Variants in OTOG observed in about 807,000 individuals in gnomAD.
OTOG encodes the protein otogelin.
Under a neutral mutation model 313.8 loss-of-function variants are expected in OTOG, and 296 were observed. That is an observed-to-expected ratio of 0.94 (90% CI 0.86 to 1.04). OTOG has a LOEUF of 1.04. OTOG is among the 50% of genes least tolerant of loss of function. The pLI, the probability that OTOG is intolerant of heterozygous loss-of-function variation, is 0.00. For synonymous variants in OTOG, 1,533 were observed against 1,554.9 expected, an observed-to-expected ratio of 0.99 and a Z score of 0.33; for missense variants, 3,948 against 3,840.1, an observed-to-expected ratio of 1.03 and a Z score of -0.74.
At position 17,610,648 on chromosome 11, in the gene OTOG, C is replaced by G. The variant is rs1424814136; in HGVS notation, c.5348C>G (p.Ala1783Gly). ...CTGTCAACAGCCACTGATGGGCTGG[C>G]AGCCACACCCTTCATGTCCCTTGAG... ...ASLSTATDGLAATPFMSLEST... is the reference protein window; with the variant it reads ...ASLSTATDGLGATPFMSLEST... Residue 1783 changes from alanine (A) to glycine (G), a missense_variant, in exon 36 of 56, where the codon GCA (alanine) becomes GGA (glycine). By Grantham distance (60) the Ala-to-Gly change is moderately conservative (BLOSUM62 0). Coordinates refer to ENST00000399397, the MANE Select transcript of OTOG (RefSeq NM_001292063.2). 2.6e-6 allele frequency: 4 copies of G among 1,550,724 alleles called. No individual in the cohort carries two copies. In the South Asian group the frequency reaches 4.8e-5, roughly 18 times the overall value.
At chr11:17,577,908 C>A (rs1185815449) in intron 22 of OTOG, among the ~76,000 whole-genome samples, 1 of 151,234 alleles carries the variant, frequency 6.6e-6, no homozygotes, top group African/African-American at 2.5e-5. Flanking sequence ...AGGACCGTGA[C>A]TCTCCTTGTC....
At chr11:17,595,089 T>C (rs1432998346) in intron 28 of OTOG, among the ~76,000 whole-genome samples, 1 of 152,216 alleles carries the variant, frequency 6.6e-6, no homozygotes, top group African/African-American at 2.4e-5. Flanking sequence ...TGAGCCTATG[T>C]AGACTGGGGT....
At position 17,612,210 on chromosome 11, in the gene OTOG, C is replaced by A. The variant is rs1269126735; in HGVS notation, c.6172C>A (p.Leu2058Met). 9.0e-6 allele frequency: 14 copies of A among 1,549,612 alleles called. No homozygotes were observed. The East Asian group carries it at 2.4e-4, about 27-fold the overall frequency. Residue 2058 changes from leucine (L) to methionine (M), a missense_variant, in exon 37 of 56, where the codon CTG (leucine) becomes ATG (methionine). Transcript: ENST00000399397. ...CCGCCACATCTGCCTGGAGGGCCAGCTGATTCGCGTGAATCAGTCCCAGCA... is the reference window on the plus strand; with the variant it reads ...CCGCCACATCTGCCTGGAGGGCCAGATGATTCGCGTGAATCAGTCCCAGCA... ...CVRHICLEGQ[L>M]IRVNQSQHCP...
chr11:17,645,650 G>A lies in OTOG; in HGVS notation c.8541+7G>A, dbSNP rs780716285. Reference sequence around the variant, plus strand: ...ATGCAGGAGCAGCACCCCTGTGCGTGGTGCCCACAAGGCAGTGGGGCAGCA... The same window carrying A: ...ATGCAGGAGCAGCACCCCTGTGCGTAGTGCCCACAAGGCAGTGGGGCAGCA... On this transcript the variant is annotated splice_region_variant and intron_variant, in intron 55 of 55. Coordinates refer to ENST00000399397, the MANE Select transcript of OTOG (RefSeq NM_001292063.2). 49 of 1,550,714 alleles carry A rather than the reference G, an allele frequency of 3.2e-5. No homozygotes were observed. In the South Asian group the frequency reaches 5.6e-4, roughly 18 times the overall value.
intron 16 of OTOG, among the ~76,000 whole-genome samples, chr11:17,569,560 C>T (rs1852362553): frequency 6.6e-6 from 1 of 152,208 alleles, no homozygotes; most frequent in South Asian, 2.1e-4. Flanking sequence ...ACTCTCATAA[C>T]TTGTTTATTA....
intron 15 of OTOG, among the ~76,000 whole-genome samples, chr11:17,562,051 A>AAG (rs1852201342): frequency 9.2e-6 from 1 of 109,112 alleles, no homozygotes; most frequent in Non-Finnish European, 1.9e-5. Flanking sequence ...AAAAAAATAT[A>AAG]TATATATATA....
chr11:17,568,045 C>G (rs1041933275), intron 15 of OTOG, among the ~76,000 whole-genome samples: 1 of 152,012 alleles, frequency 6.6e-6, no homozygotes, highest in African/African-American at 2.4e-5. Flanking sequence ...GTAACTGGGA[C>G]TACAGGCACC....
At position 17,638,479 on chromosome 11, in the gene OTOG, G is replaced by A. The variant is rs949462677; in HGVS notation, c.7824G>A (p.Val2608=). 17 of 1,549,964 alleles carry A rather than the reference G, an allele frequency of 1.1e-5. No homozygotes were observed. The highest frequency in any genetic ancestry group is 4.1e-5 in the African/African-American group (3 of 73,046). Residue 2608 remains valine, a synonymous_variant, in exon 48 of 56, where the codon GTG becomes GTA. Coordinates refer to ENST00000399397, the MANE Select transcript of OTOG (RefSeq NM_001292063.2). ...GTGAGAACTTCCGCTGTCCCCAAGT[G>A]CAGTGTGGCCTGGGCACTGCCCTGG... ...CVCENFRCPQ[V]QCGLGTALVE...
At chr11:17,611,512 A>C in intron 36 of OTOG, 89 bp downstream of exon 36, 2 of 1,278,832 alleles carry the variant, frequency 1.6e-6, no homozygotes, top group South Asian at 1.5e-5. Context: ...TTTAGTCGCT[A>C]TCCTCATACC....
chr11:17,625,685 T>C (rs1853967774), intron 39 of OTOG, among the ~76,000 whole-genome samples: 1 of 152,214 alleles, frequency 6.6e-6, no homozygotes. Flanking sequence ...GAGGTCCTTA[T>C]ATATTCTAAT....
At chr11:17,588,326 T>C (rs896590928) in intron 24 of OTOG, among the ~76,000 whole-genome samples, 1 of 152,158 alleles carries the variant, frequency 6.6e-6, no homozygotes, top group Non-Finnish European at 1.5e-5. Context: ...GCTGGAGATG[T>C]GTTGCGCTGG....
At chr11:17,599,005 G>T (rs551788803) in intron 30 of OTOG, among the ~76,000 whole-genome samples, 1 of 152,328 alleles carries the variant, frequency 6.6e-6, no homozygotes, top group East Asian at 1.9e-4. Context: ...AGGTCTATCC[G>T]CCTGGCTCCT....
At chr11:17,594,420 G>C (rs1212030267) in intron 28 of OTOG, among the ~76,000 whole-genome samples, 4 of 152,202 alleles carry the variant, frequency 2.6e-5, no homozygotes, top group African/African-American at 9.7e-5. Context: ...GGTTGGGAAG[G>C]TGACAAAGTC....
At chr11:17,568,128 C>T (rs4029003) in intron 15 of OTOG, among the ~76,000 whole-genome samples, 72,088 of 151,646 alleles carry the variant, frequency 0.48, 19,744 homozygotes, top group African/African-American at 0.77. Context: ...AGGATGGTCT[C>T]GATCTCCTGA....
At chr11:17,626,069 A>G (rs931446613) in intron 39 of OTOG, among the ~76,000 whole-genome samples, 7 of 152,190 alleles carry the variant, frequency 4.6e-5, no homozygotes, top group Admixed American at 6.5e-5. Context: ...TCTTTTCCCC[A>G]ATGTATGTTC....
At chr11:17,582,282 A>G (rs1852687841) in intron 23 of OTOG, among the ~76,000 whole-genome samples, 1 of 152,196 alleles carries the variant, frequency 6.6e-6, no homozygotes, top group South Asian at 2.1e-4. Flanking sequence ...CTAGAACTTT[A>G]CATAAAAAGA....
chr11:17,594,404 G>A (rs879261562), intron 28 of OTOG, among the ~76,000 whole-genome samples: 2 of 152,216 alleles, frequency 1.3e-5, no homozygotes, highest in Non-Finnish European at 2.9e-5. Flanking sequence ...TGGTAGGGTG[G>A]TGGAGGGTTG....
intron 29 of OTOG, 30 bp downstream of exon 29, chr11:17,596,184 G>A (rs780870383): frequency 6.3e-5 from 93 of 1,466,920 alleles, no homozygotes; most frequent in African/African-American, 1.1e-4. Flanking sequence ...GGCTCCTCCC[G>A]AGTGCCCCCT....
At chr11:17,555,981 C>T (rs1852050881) in intron 7 of OTOG, 84 bp downstream of exon 7, 2 of 1,099,576 alleles carry the variant, frequency 1.8e-6, no homozygotes, top group South Asian at 2.9e-5. Context: ...CTTCTCAAGC[C>T]CAAAGGAAAT....
Sources: allele counts gnomAD v4.1 joint callset (sites outside exome capture counted in the v4.1 genomes callset), GRCh38; gene constraint gnomAD v4.1.1; transcripts MANE v1.5; gene names NCBI Gene and HGNC (gene_info 2026-07-23, HGNC 2026-07-21).